XIRP2: variants seen among roughly 807,000 people sequenced by gnomAD.
XIRP2 encodes xin actin binding repeat containing 2, also known as xin actin-binding repeat-containing protein 2.
A neutral mutation model predicts 277.0 loss-of-function variants in XIRP2; 236 were observed. That is an observed-to-expected ratio of 0.85 (90% CI 0.77 to 0.95). The LOEUF is 0.95. XIRP2 is among the 40% of genes least tolerant of loss of function. XIRP2 has a pLI of 0.00. For synonymous variants in XIRP2, 1,490 were observed against 1,416.5 expected, an observed-to-expected ratio of 1.05 and a Z score of -1.17; for missense variants, 4,640 against 4,157.5, an observed-to-expected ratio of 1.12 and a Z score of -3.19.
At chr2:167,037,518 G>GGGT (rs1553481078) in intron 2 of XIRP2, among the ~76,000 whole-genome samples, 8 of 126,382 alleles carry the variant, frequency 6.3e-5, no homozygotes, top group South Asian at 2.4e-4. Context: ...TCATGTGGGG[G>GGGT]GTGTGTGTGT....
chr2:166,981,239 A>G (rs1290078265), intron 2 of XIRP2, among the ~76,000 whole-genome samples: 1 of 152,136 alleles, frequency 6.6e-6, no homozygotes, highest in Non-Finnish European at 1.5e-5. Context: ...AGGTGTTATC[A>G]GGGCTATGCT....
chr2:167,120,423 G>A (rs1691024032), intron 2 of XIRP2, among the ~76,000 whole-genome samples: 1 of 152,102 alleles, frequency 6.6e-6, no homozygotes, highest in African/African-American at 2.4e-5. Flanking sequence ...TTTCCACCTT[G>A]TGATTCACAA....
At chr2:167,230,520 C>A (rs1440907745) in intron 5 of XIRP2, among the ~76,000 whole-genome samples, 1 of 151,994 alleles carries the variant, frequency 6.6e-6, no homozygotes, top group Admixed American at 6.6e-5. Flanking sequence ...AAGTACCTCA[C>A]AAATGCATGT....
At chr2:166,945,722 A>T (rs945741150) in intron 2 of XIRP2, among the ~76,000 whole-genome samples, 12 of 119,340 alleles carry the variant, frequency 1.0e-4, no homozygotes, top group Admixed American at 6.1e-4. Flanking sequence ...CCCAGGCTGG[A>T]GTGCAATAGT....
At chr2:167,000,338 G>A (rs2105454380) in intron 2 of XIRP2, among the ~76,000 whole-genome samples, 1 of 152,054 alleles carries the variant, frequency 6.6e-6, no homozygotes, top group African/African-American at 2.4e-5. Flanking sequence ...TTTCTTTTTT[G>A]CTTGTTTTTA....
At chr2:167,148,034 A>G (rs1285511032) in intron 3 of XIRP2, among the ~76,000 whole-genome samples, 1 of 152,164 alleles carries the variant, frequency 6.6e-6, no homozygotes, top group Non-Finnish European at 1.5e-5. Context: ...AAATAGAGTG[A>G]TAAATTTTTA....
chr2:166,982,557 A>T (rs1239315726), intron 2 of XIRP2, among the ~76,000 whole-genome samples: 1 of 152,014 alleles, frequency 6.6e-6, no homozygotes, highest in East Asian at 1.9e-4. Context: ...CTTCAGATTT[A>T]AAAATTCTTA....
At chr2:167,202,931 T>C (rs1482934839) in intron 3 of XIRP2, among the ~76,000 whole-genome samples, 1 of 152,150 alleles carries the variant, frequency 6.6e-6, no homozygotes, top group Non-Finnish European at 1.5e-5. Flanking sequence ...CTGTATTCCT[T>C]GATTTGTGGA....
chr2:167,091,222 C>A (rs989172074), intron 2 of XIRP2, among the ~76,000 whole-genome samples: 7 of 151,952 alleles, frequency 4.6e-5, no homozygotes, highest in African/African-American at 1.5e-4. Flanking sequence ...GATGTTTGTA[C>A]CTGTGACTTG....
At chr2:167,162,276 A>G (rs1404975747) in intron 3 of XIRP2, among the ~76,000 whole-genome samples, 1 of 152,214 alleles carries the variant, frequency 6.6e-6, no homozygotes, top group Non-Finnish European at 1.5e-5. Context: ...AGGTATCTAC[A>G]GCAGCACCCC....
chr2:166,908,463 T>A (rs1684593719), intron 2 of XIRP2, among the ~76,000 whole-genome samples: 1 of 152,186 alleles, frequency 6.6e-6, no homozygotes, highest in Non-Finnish European at 1.5e-5. Context: ...GATGGGGTTG[T>A]TTGTTTTTTT....
rs760824354 is a variant in XIRP2 at position 167,251,830 on chromosome 2, T to C, written c.10438T>C (p.Phe3480Leu). ...SDSPKEVRKN[F>L]QKTWQESGRV... ...TTCACCTAAAGAAGTAAGAAAAAAT[T>C]TTCAAAAGACGTGGCAAGAGAGTGG... Residue 3480 changes from phenylalanine (F) to leucine (L), a missense_variant, in exon 9 of 11, where the codon TTT becomes CTT. Transcript: ENST00000409195. The C allele has an allele frequency of 1.3e-5, 21 of 1,613,182 alleles. 1 individual carries two copies. The highest frequency in any genetic ancestry group is 1.6e-4 in the Middle Eastern group (1 of 6,074).
Position 167,246,876 on chromosome 2 carries a change from TG to T in XIRP2, c.5486del (p.Gly1829ValfsTer9). The T allele has an allele frequency of 1.2e-6, 2 of 1,613,702 alleles. No homozygotes were observed. The highest frequency in any genetic ancestry group is 1.7e-6 in the Non-Finnish European group (2 of 1,179,804). On this transcript the variant is annotated frameshift_variant, in exon 9 of 11. Transcript: ENST00000409195. LOFTEE classifies it high-confidence loss of function. Reference protein sequence around the residue: ...VFMTEPQSTFGKIPKEEIIKG... With the variant: ...VFMTEPQSTFXKIPKEEIIKG... Reference sequence around the variant, plus strand: ...TTATGACCGAGCCTCAGAGTACATTTGGTAAGATACCCAAAGAAGAGATTAT... The same window carrying T: ...TTATGACCGAGCCTCAGAGTACATTTGTAAGATACCCAAAGAAGAGATTAT...
intron 2 of XIRP2, among the ~76,000 whole-genome samples, chr2:167,060,575 A>G (rs1199577802): frequency 6.6e-6 from 1 of 152,200 alleles, no homozygotes; most frequent in African/African-American, 2.4e-5. Flanking sequence ...TAAATATCCA[A>G]TTGACTCAGT....
chr2:167,040,854 C>T (rs951645175), intron 2 of XIRP2, among the ~76,000 whole-genome samples: 1 of 152,214 alleles, frequency 6.6e-6, no homozygotes, highest in African/African-American at 2.4e-5. Context: ...CACAACCATT[C>T]TCCACTAACG....
intron 3 of XIRP2, among the ~76,000 whole-genome samples, chr2:167,165,402 G>A (rs1443569916): frequency 6.6e-6 from 1 of 152,184 alleles, no homozygotes; most frequent in East Asian, 1.9e-4. Context: ...AGTGTGTTTA[G>A]TTTTATAAGA....
intron 5 of XIRP2, among the ~76,000 whole-genome samples, chr2:167,231,771 C>T (rs1321716265): frequency 6.6e-6 from 1 of 151,814 alleles, no homozygotes; most frequent in Non-Finnish European, 1.5e-5. Context: ...GAAGCAGGGA[C>T]CATAGACAAT....
At position 167,247,236 on chromosome 2, in the gene XIRP2, T is replaced by C. The variant is rs570622509; in HGVS notation, c.5844T>C (p.Asp1948=). 4.3e-6 allele frequency: 7 copies of C among 1,613,666 alleles called. No homozygotes were observed. The African/African-American group carries it at 8.0e-5, about 18-fold the overall frequency. ...EVHKEGVIKK[D]AKAVMAGSSG... Reference sequence around the variant, plus strand: ...ATAAAGAAGGTGTAATAAAAAAAGATGCTAAAGCTGTGATGGCAGGATCCT... The same window carrying C: ...ATAAAGAAGGTGTAATAAAAAAAGACGCTAAAGCTGTGATGGCAGGATCCT... Residue 1948 remains aspartate, a synonymous_variant, in exon 9 of 11, where the codon GAT becomes GAC. Transcript: ENST00000409195.
intron 2 of XIRP2, among the ~76,000 whole-genome samples, chr2:167,026,355 A>C (rs1688158859): frequency 6.6e-6 from 1 of 152,076 alleles, no homozygotes; most frequent in East Asian, 1.9e-4. Context: ...GTGTCTCTGC[A>C]CGTGAGATGG....
Sources: gnomAD v4.1 joint callset for allele counts (sites outside exome capture counted in the v4.1 genomes callset) on GRCh38, gnomAD v4.1.1 for gene constraint, MANE v1.5 for transcripts, NCBI Gene and HGNC (gene_info 2026-07-23, HGNC 2026-07-21) for gene names.